THSD7B: variants seen among roughly 807,000 people sequenced by gnomAD.
THSD7B encodes thrombospondin type 1 domain containing 7B.
A neutral mutation model predicts 213.6 loss-of-function variants in THSD7B; 138 were observed. The observed-to-expected ratio is 0.65, with a 90% CI of 0.56 to 0.74. THSD7B has a LOEUF of 0.74. THSD7B is among the 30% of genes least tolerant of loss of function. THSD7B has a pLI of 0.00. For synonymous variants in THSD7B, 742 were observed against 687.0 expected, an observed-to-expected ratio of 1.08 and a Z score of -1.25; for missense variants, 1,931 against 1,991.5, an observed-to-expected ratio of 0.97 and a Z score of 0.58.
chr2:137,306,966 C>G (rs928639218), intron 12 of THSD7B, among the ~76,000 whole-genome samples: 1 of 152,138 alleles, frequency 6.6e-6, no homozygotes, highest in African/African-American at 2.4e-5. Flanking sequence ...AACAGAAGTA[C>G]TTTAAATTCT....
At chr2:137,141,856 A>G (rs1047834338) in intron 5 of THSD7B, among the ~76,000 whole-genome samples, 1 of 152,114 alleles carries the variant, frequency 6.6e-6, no homozygotes, top group African/African-American at 2.4e-5. Flanking sequence ...TAGAAGTTAC[A>G]TTTAATGTTT....
chr2:137,309,466 T>C (rs1246676005), intron 12 of THSD7B, among the ~76,000 whole-genome samples: 1 of 151,198 alleles, frequency 6.6e-6, no homozygotes, highest in Non-Finnish European at 1.5e-5. Context: ...TAAAAATTAT[T>C]GGACAAAGTT....
chr2:137,339,063 T>C (rs1470591269), intron 12 of THSD7B, among the ~76,000 whole-genome samples: 1 of 152,082 alleles, frequency 6.6e-6, no homozygotes, highest in Non-Finnish European at 1.5e-5. Context: ...AGTAGGAGCC[T>C]AAATGTTCTC....
At chr2:137,546,452 ATATT>A (rs1680733075) in intron 15 of THSD7B, among the ~76,000 whole-genome samples, 9 of 29,004 alleles carry the variant, frequency 3.1e-4, no homozygotes, top group African/African-American at 2.2e-3. Flanking sequence ...TATTATATAT[ATATT>A]ATATATAATA....
At chr2:137,352,400 A>T (rs1573977724) in intron 12 of THSD7B, among the ~76,000 whole-genome samples, 1 of 152,082 alleles carries the variant, frequency 6.6e-6, no homozygotes, top group African/African-American at 2.4e-5. Context: ...AGGGACAAAA[A>T]CTTGTTCATT....
chr2:137,249,918 A>T (rs1682132442), intron 10 of THSD7B, among the ~76,000 whole-genome samples: 1 of 152,248 alleles, frequency 6.6e-6, no homozygotes, highest in Admixed American at 6.5e-5. Context: ...GTGCTATCTC[A>T]TAAATTGTCA....
intron 1 of THSD7B, among the ~76,000 whole-genome samples, chr2:136,850,252 A>G (rs1683077810): frequency 6.6e-6 from 1 of 152,062 alleles, no homozygotes; most frequent in Non-Finnish European, 1.5e-5. Context: ...GCATTGTATG[A>G]GTACATTAAA....
intron 15 of THSD7B, among the ~76,000 whole-genome samples, chr2:137,540,890 G>A (rs190232342): frequency 5.3e-4 from 80 of 151,844 alleles, no homozygotes; most frequent in Non-Finnish European, 9.9e-4. Context: ...GAGCATGCAA[G>A]TATATAGGGC....
At position 137,677,322 on chromosome 2, in the gene THSD7B, G is replaced by A. The variant is rs955545060; in HGVS notation, c.*717G>A. The A allele has an allele frequency of 2.0e-5, 3 of 152,516 alleles. No individual in the cohort carries two copies. Among genetic ancestry groups the A allele is most frequent in the African/African-American group, 4.8e-5 (2 of 41,454 alleles). 9.4% of individuals were successfully genotyped at this position (152,516 alleles called of 1,614,324 possible). ...ATGTTAGAGTGTACAAATGAAATAT[G>A]TGGTTAAATTGGAGAATGAGGTAGA... On this transcript the variant is annotated 3_prime_UTR_variant, in exon 28 of 28. Transcript: ENST00000409968.
intron 3 of THSD7B, among the ~76,000 whole-genome samples, chr2:137,075,153 G>A (rs534204895): frequency 4.6e-5 from 7 of 152,268 alleles, no homozygotes; most frequent in Non-Finnish European, 8.8e-5. Context: ...ATTGGGGAAA[G>A]TCTCCTAGAT....
chr2:137,245,733 T>A lies in THSD7B; in HGVS notation c.2266+3161T>A, dbSNP rs532146539. On this transcript the variant is annotated intron_variant, in intron 10 of 27. Coordinates refer to ENST00000409968, the MANE Select transcript of THSD7B (RefSeq NM_001316349.2). ...ATATAGTTGCTACTCAGTGCATATA[T>A]TTTGAATGTACAGGTGTTGTGTAAA... is the stretch of plus-strand genomic sequence containing the variant. Among the ~76,000 whole-genome samples, 5 of 152,296 alleles carry A rather than the reference T, an allele frequency of 3.3e-5. No individual in the cohort carries two copies. The East Asian group carries it at 9.7e-4, about 29-fold the overall frequency.
intron 20 of THSD7B, among the ~76,000 whole-genome samples, chr2:137,640,341 T>C (rs1490864422): frequency 1.3e-5 from 2 of 152,198 alleles, no homozygotes; most frequent in African/African-American, 2.4e-5. Flanking sequence ...TCCCCAGCCA[T>C]GTGGAACTGT....
chr2:137,264,355 C>T (rs1682528575), intron 10 of THSD7B, among the ~76,000 whole-genome samples: 1 of 151,850 alleles, frequency 6.6e-6, no homozygotes, highest in Non-Finnish European at 1.5e-5. Flanking sequence ...CAGGTTCATG[C>T]CATTCTCCTG....
At chr2:137,508,711 A>G (rs1679894379) in intron 15 of THSD7B, among the ~76,000 whole-genome samples, 1 of 152,014 alleles carries the variant, frequency 6.6e-6, no homozygotes, top group Admixed American at 6.5e-5. Flanking sequence ...GCTGGAGCTC[A>G]TGTGTATAAA....
intron 14 of THSD7B, among the ~76,000 whole-genome samples, chr2:137,440,874 C>T (rs1440672324): frequency 1.3e-5 from 2 of 152,028 alleles, no homozygotes; most frequent in Non-Finnish European, 2.9e-5. Context: ...TTCTTCTAAG[C>T]TTATATGTTT....
intron 2 of THSD7B, among the ~76,000 whole-genome samples, chr2:136,892,570 T>C (rs1467298978): frequency 2.6e-5 from 4 of 151,910 alleles, no homozygotes; most frequent in East Asian, 1.9e-4. Flanking sequence ...CCCCAGTATT[T>C]CACGTATATC....
intron 2 of THSD7B, among the ~76,000 whole-genome samples, chr2:136,906,213 A>G (rs1684157451): frequency 6.6e-6 from 1 of 152,134 alleles, no homozygotes; most frequent in South Asian, 2.1e-4. Context: ...ATTCTTCCAG[A>G]TAACGCTCAG....
At chr2:137,433,501 C>T (rs1687229476) in intron 14 of THSD7B, among the ~76,000 whole-genome samples, 2 of 151,888 alleles carry the variant, frequency 1.3e-5, no homozygotes, top group Non-Finnish European at 2.9e-5. Flanking sequence ...GGATTACAGG[C>T]AGGCACCATC....
chr2:137,248,909 A>G (rs1682104175), intron 10 of THSD7B, among the ~76,000 whole-genome samples: 1 of 152,192 alleles, frequency 6.6e-6, no homozygotes, highest in Admixed American at 6.5e-5. Context: ...ACACAGCAAG[A>G]TGTATAGCTC....
Sources: allele counts gnomAD v4.1 joint callset (sites outside exome capture counted in the v4.1 genomes callset), GRCh38; gene constraint gnomAD v4.1.1; transcripts MANE v1.5; gene names NCBI Gene and HGNC (gene_info 2026-07-23, HGNC 2026-07-21).